The following ADGRD1 variants were observed in gnomAD, a reference collection of about 807,000 sequenced individuals.
The protein encoded by ADGRD1 is adhesion G protein-coupled receptor D1.
Under a neutral mutation model 113.4 loss-of-function variants are expected in ADGRD1, and 77 were observed. The observed-to-expected ratio is 0.68, with a 90% CI of 0.57 to 0.82. The LOEUF (loss-of-function observed/expected upper bound fraction) is 0.82. Among genes scored for constraint, ADGRD1 ranks in the 40% least tolerant of loss-of-function variants. The pLI is 0.00. For missense variants in ADGRD1, 1,036 were observed against 1,139.1 expected, an observed-to-expected ratio of 0.91 and a Z score of 1.30; for synonymous variants, 474 against 475.0, an observed-to-expected ratio of 1.00 and a Z score of 0.03.
At chr12:131,086,742 C>T (rs1047385612) in intron 15 of ADGRD1, among the ~76,000 whole-genome samples, 3 of 152,340 alleles carry the variant, frequency 2.0e-5, no homozygotes, top group Admixed American at 2.0e-4. Context: ...CTCACGTGAG[C>T]GCGTATGAGC....
chr12:131,079,827 A>G (rs1042321982), intron 14 of ADGRD1, among the ~76,000 whole-genome samples: 25 of 152,020 alleles, frequency 1.6e-4, no homozygotes, highest in South Asian at 2.1e-4. Flanking sequence ...TGATGTTCCC[A>G]TTTCACTTTT....
chr12:131,068,723 G>C (rs1171203041), intron 13 of ADGRD1, among the ~76,000 whole-genome samples: 1 of 152,166 alleles, frequency 6.6e-6, no homozygotes, highest in Non-Finnish European at 1.5e-5. Flanking sequence ...ATAAATAAAA[G>C]GATAATGAAT....
chr12:131,124,670 CCGCCCCTTCTCG>C, intron 20 of ADGRD1, among the ~76,000 whole-genome samples: 1 of 105,496 alleles, frequency 9.5e-6, no homozygotes, highest in Non-Finnish European at 2.5e-5. Context: ...ACACTGCCCA[CCGCCCCTTCTCG>C]AATTGTTCTC....
intron 15 of ADGRD1, among the ~76,000 whole-genome samples, chr12:131,091,717 G>A (rs534552655): frequency 9.4e-4 from 143 of 152,082 alleles, no homozygotes; most frequent in African/African-American, 2.6e-3. Flanking sequence ...CGAGGAGGGG[G>A]CCACAGAGGT....
chr12:131,047,220 G>T (rs1882928475), intron 13 of ADGRD1, among the ~76,000 whole-genome samples: 1 of 152,246 alleles, frequency 6.6e-6, no homozygotes, highest in South Asian at 2.1e-4. Context: ...CCCATTGAGG[G>T]CAGGGGCGAG....
intron 9 of ADGRD1, among the ~76,000 whole-genome samples, chr12:131,001,947 A>G (rs1876441487): frequency 6.6e-6 from 1 of 152,234 alleles, no homozygotes; most frequent in South Asian, 2.1e-4. Context: ...TTTACATTTG[A>G]TAAACTTTTG....
At chr12:131,082,227 C>G (rs1264941195) in intron 14 of ADGRD1, among the ~76,000 whole-genome samples, 2 of 152,134 alleles carry the variant, frequency 1.3e-5, no homozygotes, top group African/African-American at 4.8e-5. Flanking sequence ...ATGCATGTTA[C>G]ATTTTATGTA....
chr12:131,105,918 A>G, intron 17 of ADGRD1, 53 bp downstream of exon 17: 1 of 1,334,306 alleles, frequency 7.5e-7, no homozygotes, highest in Non-Finnish European at 1.1e-6. Flanking sequence ...GCCTCCTCGG[A>G]TGTCACCGGG....
At chr12:131,118,585 G>T in intron 19 of ADGRD1, 134 bp downstream of exon 19, 1 of 620,738 alleles carries the variant, frequency 1.6e-6, no homozygotes, top group Non-Finnish European at 2.8e-6. Flanking sequence ...CACAGGCCCA[G>T]CCGGTGAGAA....
chr12:131,133,150 G>A (rs1950980572), intron 21 of ADGRD1, among the ~76,000 whole-genome samples: 1 of 152,046 alleles, frequency 6.6e-6, no homozygotes, highest in African/African-American at 2.4e-5. Context: ...CCTGGCTGGG[G>A]AGGGACCTGT....
chr12:131,137,198 C>T (rs563000391), intron 23 of ADGRD1, 184 bp downstream of exon 23: 33 of 627,688 alleles, frequency 5.3e-5, no homozygotes, highest in East Asian at 1.9e-4. Flanking sequence ...CTTCTCTCCC[C>T]GCCTAGTTGC....
intron 17 of ADGRD1, among the ~76,000 whole-genome samples, chr12:131,108,452 A>G (rs991878198): frequency 1.3e-5 from 2 of 152,128 alleles, no homozygotes; most frequent in Non-Finnish European, 2.9e-5. Flanking sequence ...CAAGGAATGG[A>G]TAGTTTTGCT....
chr12:130,997,964 G>A (rs1465967662), intron 8 of ADGRD1, among the ~76,000 whole-genome samples: 1 of 152,204 alleles, frequency 6.6e-6, no homozygotes, highest in Non-Finnish European at 1.5e-5. Flanking sequence ...CACCTCCGGA[G>A]GCTGAGGCTG....
rs1309769950 is a variant in ADGRD1 at position 130,954,599 on chromosome 12, T to C, written c.67-25T>C. The C allele has an allele frequency of 2.5e-6, 4 of 1,613,398 alleles. No individual in the cohort carries two copies. Among genetic ancestry groups the C allele is most frequent in the Middle Eastern group, 1.7e-4 (1 of 6,052 alleles). ...TCCGGAGGCTTTCCCTGAGTGTGTCTCACACTGTGGTCTTTTGTGCGCAGG... is the reference window on the plus strand; with the variant it reads ...TCCGGAGGCTTTCCCTGAGTGTGTCCCACACTGTGGTCTTTTGTGCGCAGG... On this transcript the variant is annotated intron_variant, in intron 1 of 24. Transcript: ENST00000261654. The surrounding 1 kb of genome is among the most constrained non-coding windows in gnomAD (Gnocchi z 4.7).
At chr12:131,014,162 G>C in intron 12 of ADGRD1, 37 bp from the exon 13 acceptor site, 2 of 1,603,128 alleles carry the variant, frequency 1.2e-6, no homozygotes, top group South Asian at 2.2e-5. Context: ...GCTCCCCTGC[G>C]TTTCCCATTT....
chr12:131,051,959 C>T (rs1388077731), intron 13 of ADGRD1, among the ~76,000 whole-genome samples: 1 of 152,224 alleles, frequency 6.6e-6, no homozygotes, highest in African/African-American at 2.4e-5. Flanking sequence ...TGTTTCCAAA[C>T]TCGCATCTCC....
Position 131,136,111 on chromosome 12 carries a change from A to G in ADGRD1, c.2342A>G (p.Asn781Ser), listed in dbSNP as rs765376242. 8.1e-5 allele frequency: 131 copies of G among 1,614,050 alleles called. No individual in the cohort carries two copies. Among genetic ancestry groups the G allele is most frequent in the Non-Finnish European group, 9.9e-5 (117 of 1,180,036 alleles). ...TSWVFGVLAVNGCAVVFQYMF... is the reference protein window; with the variant it reads ...TSWVFGVLAVSGCAVVFQYMF... Reference sequence around the variant, plus strand: ...TGGGTCTTTGGCGTGCTTGCTGTCAACGGTTGTGCTGTGGTTTTCCAGTAC... The same window carrying G: ...TGGGTCTTTGGCGTGCTTGCTGTCAGCGGTTGTGCTGTGGTTTTCCAGTAC... The change falls in exon 22 of 25, where the codon AAC becomes AGC. Residue 781 changes from asparagine (N) to serine (S), a missense_variant. Transcript: ENST00000261654.
At chr12:130,974,466 C>T (rs1872068776) in intron 4 of ADGRD1, among the ~76,000 whole-genome samples, 1 of 152,106 alleles carries the variant, frequency 6.6e-6, no homozygotes, top group African/African-American at 2.4e-5. Flanking sequence ...AGGTGTTATT[C>T]AGATCTCATA....
intron 21 of ADGRD1, among the ~76,000 whole-genome samples, chr12:131,133,555 T>C (rs557417656): frequency 6.6e-6 from 1 of 152,306 alleles, no homozygotes; most frequent in Non-Finnish European, 1.5e-5. Flanking sequence ...CCTTCCCACC[T>C]GCGTCTGCAC....
Sources: gnomAD v4.1 joint callset for allele counts (sites outside exome capture counted in the v4.1 genomes callset) on GRCh38, gnomAD v4.1.1 for gene constraint, Gnocchi (gnomAD v3.1) non-coding constraint, MANE v1.5 for transcripts, NCBI Gene and HGNC (gene_info 2026-07-23, HGNC 2026-07-21) for gene names.